The following CACNA2D3 variants were observed in gnomAD, a reference collection of about 807,000 sequenced individuals.
CACNA2D3 encodes the protein calcium voltage-gated channel auxiliary subunit alpha2delta 3.
A neutral mutation model predicts 160.6 loss-of-function variants in CACNA2D3; 60 were observed. The observed-to-expected ratio is 0.37, with a 90% CI of 0.30 to 0.46. The LOEUF is 0.46. CACNA2D3 is among the 20% of genes least tolerant of loss of function. The pLI is 1.00. For synonymous variants in CACNA2D3, 558 were observed against 492.9 expected, an observed-to-expected ratio of 1.13 and a Z score of -1.75; for missense variants, 1,205 against 1,365.0, an observed-to-expected ratio of 0.88 and a Z score of 1.85.
At chr3:54,461,575 T>C (rs1290094128) in intron 4 of CACNA2D3, among the ~76,000 whole-genome samples, 2 of 151,724 alleles carry the variant, frequency 1.3e-5, no homozygotes, top group Non-Finnish European at 2.9e-5. Flanking sequence ...GAGGTGTTTG[T>C]AGTATTCTCT....
intron 4 of CACNA2D3, among the ~76,000 whole-genome samples, chr3:54,443,840 G>T (rs116273822): frequency 2.6e-5 from 4 of 152,162 alleles, no homozygotes; most frequent in Non-Finnish European, 5.9e-5. Flanking sequence ...CAAAGTGACC[G>T]CAAAGTCATC....
At chr3:54,655,125 A>G (rs1473997045) in intron 11 of CACNA2D3, among the ~76,000 whole-genome samples, 1 of 152,170 alleles carries the variant, frequency 6.6e-6, no homozygotes, top group Non-Finnish European at 1.5e-5. Flanking sequence ...TGCTGCATGA[A>G]TTCTGTATTA....
chr3:54,944,997 T>C (rs1362344300), intron 27 of CACNA2D3, among the ~76,000 whole-genome samples: 4 of 152,194 alleles, frequency 2.6e-5, no homozygotes, highest in Admixed American at 2.6e-4. Context: ...TAGACTTTAC[T>C]ATTGGGTGAA....
At chr3:54,989,235 A>G (rs1229897483) in intron 31 of CACNA2D3, among the ~76,000 whole-genome samples, 1 of 151,994 alleles carries the variant, frequency 6.6e-6, no homozygotes, top group East Asian at 1.9e-4. Flanking sequence ...TAACAAACCT[A>G]TTTTTTCCTC....
At chr3:54,377,347 G>A (rs1699029377) in intron 3 of CACNA2D3, among the ~76,000 whole-genome samples, 5 of 152,328 alleles carry the variant, frequency 3.3e-5, no homozygotes. Context: ...TTTCTTGGCA[G>A]CAGAATTAAC....
At chr3:54,597,328 C>A (rs1702973195) in intron 9 of CACNA2D3, among the ~76,000 whole-genome samples, 1 of 152,172 alleles carries the variant, frequency 6.6e-6, no homozygotes, top group South Asian at 2.1e-4. Context: ...CCCTACCTCC[C>A]CTTCTCCATA....
At chr3:55,047,939 T>A (rs1350161486) in intron 35 of CACNA2D3, among the ~76,000 whole-genome samples, 1 of 145,854 alleles carries the variant, frequency 6.9e-6, no homozygotes, top group East Asian at 2.1e-4. Flanking sequence ...GTGATTTTTG[T>A]ACATTGATTT....
intron 29 of CACNA2D3, among the ~76,000 whole-genome samples, chr3:54,975,844 A>G (rs1702378809): frequency 6.6e-6 from 1 of 152,044 alleles, no homozygotes; most frequent in South Asian, 2.1e-4. Context: ...CTAGGAACCT[A>G]TAATTGGGGT....
chr3:54,711,099 C>G (rs913062985), intron 11 of CACNA2D3, among the ~76,000 whole-genome samples: 1 of 152,142 alleles, frequency 6.6e-6, no homozygotes, highest in African/African-American at 2.4e-5. Context: ...TCACAGAGGG[C>G]TGAACTCTTA....
intron 13 of CACNA2D3, among the ~76,000 whole-genome samples, chr3:54,781,637 C>G (rs192809350): frequency 2.0e-5 from 3 of 152,296 alleles, no homozygotes; most frequent in African/African-American, 7.2e-5. Flanking sequence ...CAAGCCAATT[C>G]GGTAATTTGT....
chr3:54,827,902 CT>C (rs1301672777), intron 14 of CACNA2D3, among the ~76,000 whole-genome samples: 1 of 152,236 alleles, frequency 6.6e-6, no homozygotes, highest in Non-Finnish European at 1.5e-5. Context: ...TCTTTCCCAG[CT>C]TCTGCCCTTG....
chr3:54,857,294 G>T (rs1699193353), intron 17 of CACNA2D3, among the ~76,000 whole-genome samples: 1 of 152,196 alleles, frequency 6.6e-6, no homozygotes, highest in Admixed American at 6.5e-5. Flanking sequence ...ATGTCGTGAA[G>T]TCGTTGCTGG....
At chr3:54,716,003 A>T (rs1701043987) in intron 11 of CACNA2D3, among the ~76,000 whole-genome samples, 1 of 152,174 alleles carries the variant, frequency 6.6e-6, no homozygotes, top group African/African-American at 2.4e-5. Flanking sequence ...TAGATGTGTT[A>T]ATTAATTTGA....
intron 3 of CACNA2D3, among the ~76,000 whole-genome samples, chr3:54,381,765 C>T (rs1193750634): frequency 6.6e-6 from 1 of 152,176 alleles, no homozygotes; most frequent in African/African-American, 2.4e-5. Context: ...TTCGCCTTCA[C>T]CAAAGCTGTA....
intron 4 of CACNA2D3, among the ~76,000 whole-genome samples, chr3:54,418,270 ATG>A (rs1485341348): frequency 6.6e-6 from 1 of 152,172 alleles, no homozygotes; most frequent in Non-Finnish European, 1.5e-5. Context: ...CTGCATATGA[ATG>A]TATTCATAAT....
In CACNA2D3 at chr3:54,991,920, GTTC is replaced by G. The variant is rs773736432; in HGVS notation, c.2690+4173_2690+4175del. 6.1e-5 allele frequency among the ~76,000 whole-genome samples: 9 copies of G among 148,344 alleles called. No individual in the cohort carries two copies. In the East Asian group the frequency reaches 1.5e-3, roughly 25 times the overall value. On this transcript the variant is annotated intron_variant, in intron 31 of 37. Transcript: ENST00000474759. ...TTTGAGTAGAGTTCCATATGTCTGA[GTTC>G]TTCTTATTTTCCAATTTTCTCCTGT...
chr3:54,893,795 G>T (rs1700123417), intron 25 of CACNA2D3, among the ~76,000 whole-genome samples: 1 of 151,906 alleles, frequency 6.6e-6, no homozygotes, highest in Admixed American at 6.6e-5. Context: ...AATACATTCT[G>T]TGCCTTCAGT....
chr3:54,859,396 C>T (rs1699236569), intron 17 of CACNA2D3, among the ~76,000 whole-genome samples: 1 of 152,188 alleles, frequency 6.6e-6, no homozygotes. Flanking sequence ...ACACATCTCC[C>T]AGGTGCCATT....
chr3:54,485,833 G>A (rs572809143), intron 4 of CACNA2D3, among the ~76,000 whole-genome samples: 3 of 152,188 alleles, frequency 2.0e-5, no homozygotes, highest in South Asian at 4.2e-4. Context: ...CAAAGTTCTG[G>A]GATTATAGGT....
Sources: gnomAD v4.1 joint callset for allele counts (sites outside exome capture counted in the v4.1 genomes callset) on GRCh38, gnomAD v4.1.1 for gene constraint, MANE v1.5 for transcripts, NCBI Gene and HGNC (gene_info 2026-07-23, HGNC 2026-07-21) for gene names.